AGAP1: variants seen among roughly 807,000 people sequenced by gnomAD.
AGAP1 encodes the protein arf-GAP with GTPase, ANK repeat and PH domain-containing protein 1.
AGAP1 carries 29 observed loss-of-function variants against 105.3 expected under a neutral mutation model. The ratio of observed to expected loss-of-function variants is 0.28; its 90% CI spans 0.21 to 0.38. AGAP1 has a LOEUF of 0.38. Ranked by LOEUF, AGAP1 falls within the 10% of genes least tolerant of loss-of-function variation. The pLI, the probability that AGAP1 is intolerant of heterozygous loss-of-function variation, is 1.00. For synonymous variants in AGAP1, 509 were observed against 485.9 expected (o/e 1.05, Z -0.63); for missense variants, 998 against 1,165.1 (o/e 0.86, Z 2.09).
rs1221668533 is a variant in AGAP1 at position 236,055,051 on chromosome 2, A to G, written c.2114+5770A>G. ...TGGCCTGATTATCTTAATGTTAAATATGTCCGGCAGCAATTACTGTGACCT... is the reference window on the plus strand; with the variant it reads ...TGGCCTGATTATCTTAATGTTAAATGTGTCCGGCAGCAATTACTGTGACCT... On this transcript the variant is annotated intron_variant, in intron 16 of 17. Transcript: ENST00000304032. This position sits in a 1 kb window ranked among gnomAD's most constrained non-coding sequence, Gnocchi z 6.2. Among the ~76,000 whole-genome samples the G allele has an allele frequency of 1.3e-5, 2 of 152,234 alleles. No individual in the cohort carries two copies. The highest frequency in any genetic ancestry group is 3.9e-4 in the East Asian group (2 of 5,190).
chr2:236,032,992 T>C (rs1032788731), intron 13 of AGAP1, among the ~76,000 whole-genome samples: 1 of 152,168 alleles, frequency 6.6e-6, no homozygotes, highest in African/African-American at 2.4e-5. Flanking sequence ...ATGCCTGTAA[T>C]CCCAGCATTT....
intron 7 of AGAP1, 82 bp downstream of exon 7, chr2:235,797,968 A>ATT (rs140030205): frequency 1.6e-3 from 2,254 of 1,400,224 alleles, no homozygotes; most frequent in Admixed American, 3.0e-3. Flanking sequence ...GCTAAGGTTG[A>ATT]TTTTTTTTTT....
intron 11 of AGAP1, among the ~76,000 whole-genome samples, chr2:235,909,334 GTGT>G (rs1490961314): frequency 6.6e-6 from 1 of 152,176 alleles, no homozygotes; most frequent in Non-Finnish European, 1.5e-5. Context: ...TGTAAATTCT[GTGT>G]TGTTATATTT....
At chr2:235,648,225 C>T (rs1242731168) in intron 1 of AGAP1, among the ~76,000 whole-genome samples, 1 of 152,204 alleles carries the variant, frequency 6.6e-6, no homozygotes, top group Non-Finnish European at 1.5e-5. Flanking sequence ...TGCCCCTCCA[C>T]CTCCTGTGCC....
intron 13 of AGAP1, among the ~76,000 whole-genome samples, chr2:236,013,027 G>A (rs1397013122): frequency 2.6e-5 from 4 of 152,156 alleles, no homozygotes; most frequent in East Asian, 1.9e-4. Context: ...GATTACAGAC[G>A]TGAGGACCTG....
At chr2:235,868,914 C>A (rs1413752649) in intron 9 of AGAP1, among the ~76,000 whole-genome samples, 2 of 152,142 alleles carry the variant, frequency 1.3e-5, no homozygotes, top group Non-Finnish European at 2.9e-5. Flanking sequence ...ACTCTTTGCT[C>A]CACTGTAGAA....
At position 235,753,933 on chromosome 2, in the gene AGAP1, T is replaced by G. The variant is rs2149732353; in HGVS notation, c.673+3445T>G. Among the ~76,000 whole-genome samples, 1 of 152,338 alleles carries G rather than the reference T, an allele frequency of 6.6e-6. No individual in the cohort carries two copies. The highest frequency in any genetic ancestry group is 2.1e-4 in the South Asian group (1 of 4,822). Reference sequence around the variant, plus strand: ...AAATCACAAACACTCTCATTGTTAGTGAGAAAAGTAGTTGCTGAGTAGGAG... The same window carrying G: ...AAATCACAAACACTCTCATTGTTAGGGAGAAAAGTAGTTGCTGAGTAGGAG... On this transcript the variant is annotated intron_variant, in intron 6 of 17. Coordinates refer to ENST00000304032, the MANE Select transcript of AGAP1 (RefSeq NM_001037131.3). The surrounding 1 kb of genome is among the most constrained non-coding windows in gnomAD (Gnocchi z 4.5).
chr2:236,128,261 G>A lies in AGAP1; in HGVS notation c.*4139G>A, dbSNP rs1285153602. 6.6e-6 allele frequency: 1 copy of A among 152,436 alleles called. No individual in the cohort carries two copies. The highest frequency in any genetic ancestry group is 2.4e-5 in the African/African-American group (1 of 41,444). 9.4% of individuals were successfully genotyped at this position (152,436 alleles called of 1,614,324 possible). A position where few individuals can be genotyped will look rare whatever the true frequency, so the allele number is the denominator to read the frequency against. On this transcript the variant is annotated 3_prime_UTR_variant, in exon 18 of 18. Coordinates refer to ENST00000304032, the MANE Select transcript of AGAP1 (RefSeq NM_001037131.3). This position sits in a 1 kb window ranked among gnomAD's most constrained non-coding sequence, Gnocchi z 5.9. ...GGTTGATTTTCTAGAGGCGAGGAAG[G>A]GGCTGAGTTCTGCCCTCGTGCTGTT... is the stretch of plus-strand genomic sequence containing the variant.
intron 16 of AGAP1, among the ~76,000 whole-genome samples, chr2:236,103,815 C>T (rs2059418556): frequency 6.6e-6 from 1 of 152,106 alleles, no homozygotes; most frequent in Non-Finnish European, 1.5e-5. Context: ...GGTCTGCCAA[C>T]CTCGGCCTCC....
At position 235,623,772 on chromosome 2, in the gene AGAP1, A is replaced by T. The variant is rs1485920581; in HGVS notation, c.164-85407A>T. Among the ~76,000 whole-genome samples, 1 of 152,172 alleles carries T rather than the reference A, an allele frequency of 6.6e-6. No homozygotes were observed. The highest frequency in any genetic ancestry group is 3.2e-3 in the Middle Eastern group (1 of 316). ...TCCCTAAGCCATTAATTTACATGTC[A>T]GATTTTTTTGAGTATTGTAGTTTTT... On this transcript the variant is annotated intron_variant, in intron 1 of 17. Transcript: ENST00000304032. The surrounding 1 kb of genome is among the most constrained non-coding windows in gnomAD (Gnocchi z 4.5).
chr2:236,013,208 T>C (rs2056577233), intron 13 of AGAP1, among the ~76,000 whole-genome samples: 1 of 152,236 alleles, frequency 6.6e-6, no homozygotes, highest in Non-Finnish European at 1.5e-5. Flanking sequence ...TTGTATTTGC[T>C]TCCTTAAAGG....
At chr2:235,795,206 G>A (rs1466868950) in intron 6 of AGAP1, among the ~76,000 whole-genome samples, 1 of 152,162 alleles carries the variant, frequency 6.6e-6, no homozygotes, top group Non-Finnish European at 1.5e-5. Context: ...GTTGTGTGGG[G>A]AAGGACTGCG....
chr2:235,592,087 C>A (rs1945362028), intron 1 of AGAP1, among the ~76,000 whole-genome samples: 1 of 152,236 alleles, frequency 6.6e-6, no homozygotes, highest in South Asian at 2.1e-4. Flanking sequence ...CACAGTCATA[C>A]ATTGAAGTGG....
At chr2:235,805,924 C>T (rs891135347) in intron 8 of AGAP1, among the ~76,000 whole-genome samples, 39 of 152,208 alleles carry the variant, frequency 2.6e-4, no homozygotes, top group Admixed American at 2.6e-3. Flanking sequence ...TTATCACCAT[C>T]TGAGAAGCAT....
chr2:235,884,778 A>C (rs1045538316), intron 10 of AGAP1, among the ~76,000 whole-genome samples: 1 of 152,100 alleles, frequency 6.6e-6, no homozygotes. Context: ...TTTAATCCAT[A>C]GTTGATTGAA....
rs904922107 is a variant in AGAP1, at chr2:235,866,454, G to A, written c.1051-16891G>A. On this transcript the variant is annotated intron_variant, in intron 9 of 17. Coordinates refer to ENST00000304032, the MANE Select transcript of AGAP1 (RefSeq NM_001037131.3). This position sits in a 1 kb window ranked among gnomAD's most constrained non-coding sequence, Gnocchi z 6.1. ...CTCCAGCAAGTGGGGAAGAGACAGCGGAAGTCCCCAGTGTGACACCAGGGC... is the reference window on the plus strand; with the variant it reads ...CTCCAGCAAGTGGGGAAGAGACAGCAGAAGTCCCCAGTGTGACACCAGGGC... Among the ~76,000 whole-genome samples, 6 of 152,170 alleles carry A rather than the reference G, an allele frequency of 3.9e-5. No homozygotes were observed. Among genetic ancestry groups the A allele is most frequent in the Non-Finnish European group, 7.3e-5 (5 of 68,040 alleles).
rs2054174784 is a variant in AGAP1, at chr2:235,961,285, G to T, written c.1484-7177G>T. ...CTTGGGGCTTCCTCCTTTGGCTCCT[G>T]GAGTCTAAAACTTCCTGGTGTCCCT... On this transcript the variant is annotated intron_variant, in intron 12 of 17. Coordinates refer to ENST00000304032, the MANE Select transcript of AGAP1 (RefSeq NM_001037131.3). The surrounding 1 kb of genome is among the most constrained non-coding windows in gnomAD (Gnocchi z 5.9). 6.6e-6 allele frequency among the ~76,000 whole-genome samples: 1 copy of T among 152,188 alleles called. No homozygotes were observed.
At position 235,927,818 on chromosome 2, in the gene AGAP1, T is replaced by C. The variant is rs1186097873; in HGVS notation, c.1325-2947T>C. The stretch of plus-strand genomic sequence containing the variant: ...AGAAGCGGTGCTCTATTGAGTGCCA[T>C]GTTGTCATCGTTGTCCCAAAGATGG... On this transcript the variant is annotated intron_variant, in intron 11 of 17. Coordinates refer to ENST00000304032, the MANE Select transcript of AGAP1 (RefSeq NM_001037131.3). The surrounding 1 kb of genome is among the most constrained non-coding windows in gnomAD (Gnocchi z 4.4). Among the ~76,000 whole-genome samples, 12 of 152,222 alleles carry C rather than the reference T, an allele frequency of 7.9e-5. No homozygotes were observed.
In AGAP1 at chr2:235,971,741, T is replaced by TTTTTTTTATTTA. The variant is rs776100487; in HGVS notation, c.1645+3121_1645+3122insTTTTATTTATTT. On this transcript the variant is annotated intron_variant, in intron 13 of 17. Coordinates refer to ENST00000304032, the MANE Select transcript of AGAP1 (RefSeq NM_001037131.3). This position sits in a 1 kb window ranked among gnomAD's most constrained non-coding sequence, Gnocchi z 4.8. ...ACTAAAGCTAGTTATATATGTTTTA[T>TTTTTTTTATTTA]TTTATTTATTTATTTATTTATTTAT... Among the ~76,000 whole-genome samples the TTTTTTTTATTTA allele has an allele frequency of 4.8e-5, 7 of 145,678 alleles. No individual in the cohort carries two copies. The highest frequency in any genetic ancestry group is 1.5e-4 in the African/African-American group (6 of 38,834).
Sources: gnomAD v4.1 joint callset for allele counts (sites outside exome capture counted in the v4.1 genomes callset) on GRCh38, gnomAD v4.1.1 for gene constraint, Gnocchi (gnomAD v3.1) non-coding constraint, MANE v1.5 for transcripts, NCBI Gene and HGNC (gene_info 2026-07-23, HGNC 2026-07-21) for gene names.